FRAT1: variants seen among roughly 807,000 people sequenced by gnomAD.
FRAT1 encodes proto-oncogene FRAT1.
Under a neutral mutation model 16.9 loss-of-function variants are expected in FRAT1, and 9 were observed. The observed-to-expected ratio is 0.53, with a 90% CI of 0.32 to 0.93. FRAT1 has a LOEUF of 0.93. FRAT1 is among the 40% of genes least tolerant of loss of function. FRAT1 has a pLI of 0.04. For missense variants in FRAT1, 354 were observed against 402.8 expected, an observed-to-expected ratio of 0.88 and a Z score of 1.04; for synonymous variants, 191 against 202.1, an observed-to-expected ratio of 0.95 and a Z score of 0.46.
At position 97,319,956 on chromosome 10, in the gene FRAT1, G is replaced by T; in HGVS notation, c.503G>T (p.Cys168Phe). ...QGIPQPLSGP[C>F]RRGWLRGAAA... ...ATCCCGCAGCCGCTGTCGGGTCCGT[G>T]CCGGCGAGGATGGCTCCGGGGCGCC... Residue 168 changes from cysteine to phenylalanine, a missense_variant, in exon 1 of 1, where the codon TGC (cysteine) becomes TTC (phenylalanine). Physicochemically the swap from Cys to Phe is radical, Grantham distance 205. Around this residue, in one of 3 missense-constraint regions of FRAT1, gnomAD observed 286 missense variants for 311.0 expected, o/e 0.92. Coordinates refer to ENST00000371021, the MANE Select transcript of FRAT1 (RefSeq NM_005479.4). 6.5e-7 allele frequency: 1 copy of T among 1,539,460 alleles called. No individual in the cohort carries two copies. The highest frequency in any genetic ancestry group is 1.2e-5 in the South Asian group (1 of 84,034).
Position 97,321,781 on chromosome 10 carries a change from A to AG in FRAT1, c.*1488_*1489insG, listed in dbSNP as rs1843464157. 6.0e-6 allele frequency: 1 copy of AG among 167,084 alleles called. No homozygotes were observed. The highest frequency in any genetic ancestry group is 1.5e-5 in the Non-Finnish European group (1 of 68,120). The allele number at this position is 167,084 out of a possible 1,614,324, so 10.4% of individuals were successfully genotyped here. A position where few individuals can be genotyped will look rare whatever the true frequency, so the allele number is the denominator to read the frequency against. On this transcript the variant is annotated 3_prime_UTR_variant, in exon 1 of 1. Coordinates refer to ENST00000371021, the MANE Select transcript of FRAT1 (RefSeq NM_005479.4). ...TGGCTATCCTGATTATAGGATTTTA[A>AG]CTTAACTGAAATGCCTGCTTTGAAT... is the stretch of plus-strand genomic sequence containing the variant.
Position 97,319,466 on chromosome 10 carries a change from AG to A in FRAT1, c.16del (p.Glu6ArgfsTer201). The A allele has an allele frequency of 6.9e-7, 1 of 1,447,430 alleles. No homozygotes were observed. The highest frequency in any genetic ancestry group is 1.3e-5 in the South Asian group (1 of 74,952). The allele number at this position is 1,447,430 out of a possible 1,614,324, so 89.7% of individuals were successfully genotyped here. ...CAGACAGGGGGCCATGCCGTGCCGG[AG>A]GGAGGAGGAAGAGGAAGCCGGCGAG... MPCR[R>X]EEEEEAGEEA... On this transcript the variant is annotated frameshift_variant, in exon 1 of 1. Coordinates refer to ENST00000371021, the MANE Select transcript of FRAT1 (RefSeq NM_005479.4). LOFTEE classifies it high-confidence loss of function.
rs1220657654 is a variant in FRAT1 at position 97,321,742 on chromosome 10, A to G, written c.*1449A>G. 1.8e-5 allele frequency: 3 copies of G among 167,076 alleles called. No homozygotes were observed. The highest frequency in any genetic ancestry group is 4.4e-5 in the Non-Finnish European group (3 of 68,132). The allele number at this position is 167,076 out of a possible 1,614,324, so 10.3% of individuals were successfully genotyped here. ...CTGACATATCTACACTTCGCACCGG[A>G]GTGTCTGGAATTGTGGCTATCCTGA... On this transcript the variant is annotated 3_prime_UTR_variant, in exon 1 of 1. Transcript: ENST00000371021.
At position 97,321,370 on chromosome 10, in the gene FRAT1, T is replaced by TG. The variant is rs1300267623; in HGVS notation, c.*1082dup. 1 of 167,298 alleles carries TG rather than the reference T, an allele frequency of 6.0e-6. No homozygotes were observed. The highest frequency in any genetic ancestry group is 1.5e-5 in the Non-Finnish European group (1 of 68,378). The allele number at this position is 167,298 out of a possible 1,614,324, so 10.4% of individuals were successfully genotyped here. On this transcript the variant is annotated 3_prime_UTR_variant, in exon 1 of 1. Transcript: ENST00000371021. ...GCTCTGGGATCCTGGGGGCCTGGGT[T>TG]GGGGGCTAGGGAGACGCCATGTGAT...
Position 97,319,860 on chromosome 10 carries a change from G to C in FRAT1, c.407G>C (p.Gly136Ala). The change falls in exon 1 of 1, where the codon GGC (glycine) becomes GCC (alanine). Residue 136 changes from glycine (G) to alanine (A), a missense_variant. Gly to Ala is a moderately conservative substitution (Grantham distance 60, BLOSUM62 0). Transcript: ENST00000371021. ...TACTGCGTGGCCGAGCTCGCCACAG[G>C]CCCCAGCGCGCTGTCCCCACTGCCC... ...APYCVAELAT[G>A]PSALSPLPPQ... The C allele has an allele frequency of 6.6e-7, 1 of 1,510,160 alleles. No homozygotes were observed. The highest frequency in any genetic ancestry group is 8.8e-7 in the Non-Finnish European group (1 of 1,137,876). The allele number at this position is 1,510,160 out of a possible 1,614,324, so 93.5% of individuals were successfully genotyped here.
At position 97,320,149 on chromosome 10, in the gene FRAT1, C is replaced by T. The variant is rs1008702640; in HGVS notation, c.696C>T (p.Pro232=). The change falls in exon 1 of 1, where the codon CCC becomes CCT. Residue 232 remains proline, a synonymous_variant. Transcript: ENST00000371021. Reference sequence around the variant, plus strand: ...GGCTGCAGTTACGTGCAAAGCTTCCCCAACGCCCGCTCCTGGGACCTCTGT... The same window carrying T: ...GGCTGCAGTTACGTGCAAAGCTTCCTCAACGCCCGCTCCTGGGACCTCTGT... ...SRRLQLRAKL[P]QRPLLGPLSA... The T allele has an allele frequency of 6.2e-7, 1 of 1,612,746 alleles. No homozygotes were observed.
Position 97,319,293 on chromosome 10 carries a change from G to C in FRAT1, c.-161G>C. 1.0e-6 allele frequency: 1 copy of C among 958,148 alleles called. No homozygotes were observed. Among genetic ancestry groups the C allele is most frequent in the Non-Finnish European group, 1.3e-6 (1 of 741,342 alleles). The allele number at this position is 958,148 out of a possible 1,614,324, so 59.4% of individuals were successfully genotyped here. On this transcript the variant is annotated 5_prime_UTR_variant, in exon 1 of 1. Coordinates refer to ENST00000371021, the MANE Select transcript of FRAT1 (RefSeq NM_005479.4). ...TTCCGGCTCCCGCGGCTGCAGGCGC[G>C]CGGCTAGAGTGCCTGGCGGGCTCCG... is the stretch of plus-strand genomic sequence containing the variant.
Position 97,320,283 on chromosome 10 carries a change from C to A in FRAT1, c.830C>A (p.Pro277His). The A allele has an allele frequency of 6.3e-7, 1 of 1,577,442 alleles. No individual in the cohort carries two copies. The highest frequency in any genetic ancestry group is 8.6e-7 in the Non-Finnish European group (1 of 1,161,516). ...QLRTGDGVLV[P>H]GS The stretch of plus-strand genomic sequence containing the variant: ...AGAACTGGCGACGGCGTTCTTGTGC[C>A]TGGCAGCTAACACGCCCGGGGTGGC... Residue 277 changes from proline to histidine, a missense_variant, in exon 1 of 1, where the codon CCT (proline) becomes CAT (histidine). This residue lies in a region of FRAT1 where 286 missense variants were observed against 311.0 expected (regional missense o/e 0.92). Transcript: ENST00000371021.
chr10:97,320,520 G>A lies in FRAT1; in HGVS notation c.*227G>A, dbSNP rs1376064409. 2 of 553,048 alleles carry A rather than the reference G, an allele frequency of 3.6e-6. No individual in the cohort carries two copies. Among genetic ancestry groups the A allele is most frequent in the East Asian group, 6.4e-5 (2 of 31,292 alleles). The allele number at this position is 553,048 out of a possible 1,614,324, so 34.3% of individuals were successfully genotyped here. Reference sequence around the variant, plus strand: ...CCCTATTTAAGGCAGATTTTACAGAGCGCACCTCAAACGTACAAGTCAGTA... The same window carrying A: ...CCCTATTTAAGGCAGATTTTACAGAACGCACCTCAAACGTACAAGTCAGTA... On this transcript the variant is annotated 3_prime_UTR_variant, in exon 1 of 1. Transcript: ENST00000371021.
Position 97,319,533 on chromosome 10 carries a change from T to C in FRAT1, c.80T>C (p.Leu27Pro), listed in dbSNP as rs1466711184. The C allele has an allele frequency of 2.0e-6, 3 of 1,478,260 alleles. No homozygotes were observed. Among genetic ancestry groups the C allele is most frequent in the Middle Eastern group, 1.9e-4 (1 of 5,234 alleles). 91.6% of individuals were successfully genotyped at this position (1,478,260 alleles called of 1,614,324 possible). ...GAAGAGGAGGAGGACAGCTTCCTCC[T>C]ACTGCAGCAGTCAGTGGCGCTGGGC... ...GEEEEEDSFL[L>P]LQQSVALGSS... Residue 27 changes from leucine to proline, a missense_variant, in exon 1 of 1, where the codon CTA becomes CCA. Around this residue, in one of 3 missense-constraint regions of FRAT1, gnomAD observed 46 missense variants for 37.7 expected, o/e 1.22. Coordinates refer to ENST00000371021, the MANE Select transcript of FRAT1 (RefSeq NM_005479.4).
rs1843452405 is a variant in FRAT1 at position 97,320,604 on chromosome 10, C to G, written c.*311C>G. On this transcript the variant is annotated 3_prime_UTR_variant, in exon 1 of 1. Coordinates refer to ENST00000371021, the MANE Select transcript of FRAT1 (RefSeq NM_005479.4). Reference sequence around the variant, plus strand: ...CGGAGCCTGCATTTCCTCGCAGCCTCTCAGTGCCCTCCAGCCCCGCGACCA... The same window carrying G: ...CGGAGCCTGCATTTCCTCGCAGCCTGTCAGTGCCCTCCAGCCCCGCGACCA... 1 of 356,802 alleles carries G rather than the reference C, an allele frequency of 2.8e-6. No individual in the cohort carries two copies. Among genetic ancestry groups the G allele is most frequent in the African/African-American group, 2.1e-5 (1 of 46,746 alleles). The allele number at this position is 356,802 out of a possible 1,614,324, so 22.1% of individuals were successfully genotyped here. A position where few individuals can be genotyped will look rare whatever the true frequency, so the allele number is the denominator to read the frequency against.
Position 97,320,365 on chromosome 10 carries a change from CT to C in FRAT1, c.*73del. On this transcript the variant is annotated 3_prime_UTR_variant, in exon 1 of 1. Coordinates refer to ENST00000371021, the MANE Select transcript of FRAT1 (RefSeq NM_005479.4). ...GGTTCCCTTGAGGGCTGCAGTTCTA[CT>C]CAGGCTGGTGGAGAACTCTGGCTTT... The C allele has an allele frequency of 7.5e-7, 1 of 1,334,606 alleles. No homozygotes were observed. The highest frequency in any genetic ancestry group is 1.0e-6 in the Non-Finnish European group (1 of 995,976). The allele number at this position is 1,334,606 out of a possible 1,614,324, so 82.7% of individuals were successfully genotyped here.
rs1409898701 is a variant in FRAT1, at chr10:97,320,213, C to T, written c.760C>T (p.Arg254Cys). Residue 254 changes from arginine to cysteine, a missense_variant, in exon 1 of 1, where the codon CGC becomes TGC. By Grantham distance (180) the Arg-to-Cys change is radical. Coordinates refer to ENST00000371021, the MANE Select transcript of FRAT1 (RefSeq NM_005479.4). ...VHEPPSPRSP[R>C]AACSDPGASG... ...TGAACCCCCTTCGCCTCGCAGCCCT[C>T]GCGCGGCCTGCAGTGACCCTGGCGC... The T allele has an allele frequency of 1.2e-6, 2 of 1,608,188 alleles. No individual in the cohort carries two copies. Among genetic ancestry groups the T allele is most frequent in the Non-Finnish European group, 1.7e-6 (2 of 1,177,946 alleles).
chr10:97,319,728 C>T lies in FRAT1; in HGVS notation c.275C>T (p.Pro92Leu), dbSNP rs1589393408. 1 of 1,193,882 alleles carries T rather than the reference C, an allele frequency of 8.4e-7. No homozygotes were observed. Among genetic ancestry groups the T allele is most frequent in the South Asian group, 4.1e-5 (1 of 24,262 alleles). The allele number at this position is 1,193,882 out of a possible 1,614,324, so 74.0% of individuals were successfully genotyped here. ...PADKARSPAV[P>L]LLLPPALAET... ...GACAAGGCCAGGTCCCCGGCGGTGC[C>T]GCTGCTGCTGCCGCCCGCGTTGGCG... is the stretch of plus-strand genomic sequence containing the variant. Residue 92 changes from proline (P) to leucine (L), a missense_variant, in exon 1 of 1, where the codon CCG becomes CTG. Pro to Leu is a moderately conservative substitution (Grantham distance 98, BLOSUM62 -3). Around this residue, in one of 3 missense-constraint regions of FRAT1, gnomAD observed 286 missense variants for 311.0 expected, o/e 0.92. Coordinates refer to ENST00000371021, the MANE Select transcript of FRAT1 (RefSeq NM_005479.4).
At position 97,321,464 on chromosome 10, in the gene FRAT1, C is replaced by G. The variant is rs1006343498; in HGVS notation, c.*1171C>G. 6.0e-6 allele frequency: 1 copy of G among 167,226 alleles called. No homozygotes were observed. The highest frequency in any genetic ancestry group is 6.5e-5 in the Admixed American group (1 of 15,282). 10.4% of individuals were successfully genotyped at this position (167,226 alleles called of 1,614,324 possible). On this transcript the variant is annotated 3_prime_UTR_variant, in exon 1 of 1. Coordinates refer to ENST00000371021, the MANE Select transcript of FRAT1 (RefSeq NM_005479.4). The stretch of plus-strand genomic sequence containing the variant: ...GGCTCTCCGGGGCCATTTGCAATAA[C>G]AGCTGCAATTCCCTGGATAGACGAG...
In FRAT1 at chr10:97,320,498, T is replaced by C; in HGVS notation, c.*205T>C. On this transcript the variant is annotated 3_prime_UTR_variant, in exon 1 of 1. Coordinates refer to ENST00000371021, the MANE Select transcript of FRAT1 (RefSeq NM_005479.4). ...TATTTGGAATGAAGGACTTTGGCCCTATTTAAGGCAGATTTTACAGAGCGC... is the reference window on the plus strand; with the variant it reads ...TATTTGGAATGAAGGACTTTGGCCCCATTTAAGGCAGATTTTACAGAGCGC... 1 of 578,828 alleles carries C rather than the reference T, an allele frequency of 1.7e-6. No homozygotes were observed. The highest frequency in any genetic ancestry group is 3.1e-6 in the Non-Finnish European group (1 of 327,250). 35.9% of individuals were successfully genotyped at this position (578,828 alleles called of 1,614,324 possible).
At position 97,319,385 on chromosome 10, in the gene FRAT1, C is replaced by T; in HGVS notation, c.-69C>T. The T allele has an allele frequency of 7.8e-7, 1 of 1,274,582 alleles. No individual in the cohort carries two copies. The highest frequency in any genetic ancestry group is 9.9e-7 in the Non-Finnish European group (1 of 1,012,618). The allele number at this position is 1,274,582 out of a possible 1,614,324, so 79.0% of individuals were successfully genotyped here. ...AGCTCCGCGCCCGCTCCGCCGCGGC[C>T]CACCGCGCCCGCCGGCAGCCGAGCC... On this transcript the variant is annotated 5_prime_UTR_variant, in exon 1 of 1. Coordinates refer to ENST00000371021, the MANE Select transcript of FRAT1 (RefSeq NM_005479.4).
chr10:97,321,464 C>T lies in FRAT1; in HGVS notation c.*1171C>T, dbSNP rs1006343498. Reference sequence around the variant, plus strand: ...GGCTCTCCGGGGCCATTTGCAATAACAGCTGCAATTCCCTGGATAGACGAG... The same window carrying T: ...GGCTCTCCGGGGCCATTTGCAATAATAGCTGCAATTCCCTGGATAGACGAG... On this transcript the variant is annotated 3_prime_UTR_variant, in exon 1 of 1. Transcript: ENST00000371021. The T allele has an allele frequency of 1.2e-5, 2 of 167,226 alleles. No homozygotes were observed. Among genetic ancestry groups the T allele is most frequent in the African/African-American group, 4.8e-5 (2 of 41,462 alleles). The allele number at this position is 167,226 out of a possible 1,614,324, so 10.4% of individuals were successfully genotyped here.
Position 97,319,365 on chromosome 10 carries a change from C to T in FRAT1, c.-89C>T, listed in dbSNP as rs1358825797. On this transcript the variant is annotated 5_prime_UTR_variant, in exon 1 of 1. Coordinates refer to ENST00000371021, the MANE Select transcript of FRAT1 (RefSeq NM_005479.4). The stretch of plus-strand genomic sequence containing the variant: ...CCGGTCCAGACTTAGTCTTCAGCTC[C>T]GCGCCCGCTCCGCCGCGGCCCACCG... 56 of 1,267,020 alleles carry T rather than the reference C, an allele frequency of 4.4e-5. No homozygotes were observed. Among genetic ancestry groups the T allele is most frequent in the South Asian group, 5.3e-5 (2 of 37,970 alleles). The allele number at this position is 1,267,020 out of a possible 1,614,324, so 78.5% of individuals were successfully genotyped here.
Sources: gnomAD v4.1 joint callset for allele counts on GRCh38, gnomAD v4.1.1 for gene constraint, gnomAD v4.1.1 regional missense constraint, MANE v1.5 for transcripts, NCBI Gene and HGNC (gene_info 2026-07-23, HGNC 2026-07-21) for gene names.